Variants in PRMT8 observed in about 807,000 individuals in gnomAD.
PRMT8 encodes protein arginine methyltransferase 8.
PRMT8 carries 7 observed loss-of-function variants against 47.1 expected under a neutral mutation model. The observed-to-expected ratio is 0.15, with a 90% confidence interval of 0.08 to 0.28. PRMT8 has a LOEUF of 0.28. PRMT8 is among the 10% of genes least tolerant of loss of function. The pLI, the probability that PRMT8 is intolerant of heterozygous loss-of-function variation, is 1.00. For missense variants in PRMT8, 237 were observed against 505.4 expected (o/e 0.47, Z 5.09); for synonymous variants, 188 against 186.5 (o/e 1.01, Z -0.07).
At chr12:3,590,999 G>A (rs1457974093) in intron 8 of PRMT8, among the ~76,000 whole-genome samples, 1 of 152,158 alleles carries the variant, frequency 6.6e-6, no homozygotes, top group Non-Finnish European at 1.5e-5. Context: ...AGCTCAGGGT[G>A]CCTTGGGAGC....
upstream of PRMT8, among the ~76,000 whole-genome samples, chr12:3,490,565 G>A (rs1197397180): frequency 1.3e-5 from 2 of 149,488 alleles, no homozygotes; most frequent in Non-Finnish European, 3.0e-5. Flanking sequence ...GGGCACTGCA[G>A]TCTCGCATTT....
At position 3,436,339 on chromosome 12, in the gene PRMT8, G is replaced by A. The variant is rs893026898; in HGVS notation, c.48+54897G>A. Among the ~76,000 whole-genome samples, 22 of 152,186 alleles carry A rather than the reference G, an allele frequency of 1.4e-4. 1 individual carries two copies. Among genetic ancestry groups the A allele is most frequent in the Non-Finnish European group, 5.9e-5 (4 of 68,038 alleles). ...AATACAGTTACCACAGACACAGTGA[G>A]TGACTTTCAAGTTCATGCCTTTGAA... On this transcript the variant is annotated intron_variant, in intron 1 of 9. Transcript: ENST00000452611. This position sits in a 1 kb window ranked among gnomAD's most constrained non-coding sequence, Gnocchi z 4.2.
intron 3 of PRMT8, 115 bp from the exon 4 acceptor site, chr12:3,553,536 C>T: frequency 1.1e-6 from 1 of 875,932 alleles, no homozygotes; most frequent in Non-Finnish European, 1.9e-6. Flanking sequence ...TGTGATGCAG[C>T]CGTGGGCAAG....
Position 3,566,675 on chromosome 12 carries a change from C to A in PRMT8, c.482-2031C>A, listed in dbSNP as rs546351525. 1.6e-4 allele frequency among the ~76,000 whole-genome samples: 25 copies of A among 152,316 alleles called. No homozygotes were observed. Among genetic ancestry groups the A allele is most frequent in the African/African-American group, 6.0e-4 (25 of 41,580 alleles). ...AGCAAACGGTGTGCTCTTTGCCATC[C>A]AGGAGCCTCAGTCCAAATTAATTTT... On this transcript the variant is annotated intron_variant, in intron 4 of 9. Transcript: ENST00000382622. The surrounding 1 kb of genome is among the most constrained non-coding windows in gnomAD (Gnocchi z 4.7).
Position 3,492,714 on chromosome 12 carries a change from C to T in PRMT8, c.75+1014C>T, listed in dbSNP as rs1027982866. ...CACCTGTAGTCACGAAGGGGATCAG[C>T]GTGGGCAGCCCCCTTACCTTCCTGG... On this transcript the variant is annotated intron_variant, in intron 1 of 9. Transcript: ENST00000382622. This position sits in a 1 kb window ranked among gnomAD's most constrained non-coding sequence, Gnocchi z 7.5. Among the ~76,000 whole-genome samples the T allele has an allele frequency of 1.3e-5, 2 of 152,152 alleles. No homozygotes were observed. The highest frequency in any genetic ancestry group is 2.4e-5 in the African/African-American group (1 of 41,438).
chr12:3,470,415 A>G lies in PRMT8; in HGVS notation c.49-70191A>G, dbSNP rs563078438. 3.3e-5 allele frequency among the ~76,000 whole-genome samples: 5 copies of G among 152,236 alleles called. No individual in the cohort carries two copies. In the South Asian group the frequency reaches 1.0e-3, roughly 32 times the overall value. On this transcript the variant is annotated intron_variant, in intron 1 of 9. Transcript: ENST00000452611. ...AGGTGGAGGGAAGAGGTCGGATGGT[A>G]GGGGCTGGGCAGGGGATGTGGTGAG...
At chr12:3,543,633 G>A (rs534856511) in intron 2 of PRMT8, among the ~76,000 whole-genome samples, 2 of 152,334 alleles carry the variant, frequency 1.3e-5, no homozygotes, top group East Asian at 1.9e-4. Context: ...GAAATGCTGA[G>A]TACAGGGGAC....
At chr12:3,454,170 T>C (rs573580001) in intron 1 of PRMT8, among the ~76,000 whole-genome samples, 2 of 152,146 alleles carry the variant, frequency 1.3e-5, no homozygotes, top group African/African-American at 2.4e-5. Flanking sequence ...TCCTGCAGCT[T>C]AATGCCGCCC....
intron 1 of PRMT8, among the ~76,000 whole-genome samples, chr12:3,509,680 C>T (rs551313922): frequency 3.9e-5 from 6 of 152,308 alleles, no homozygotes; most frequent in African/African-American, 9.6e-5. Flanking sequence ...TTGTTGGTCC[C>T]GTTCTTAATT....
chr12:3,445,554 A>T (rs768768579), intron 1 of PRMT8, among the ~76,000 whole-genome samples: 1 of 151,870 alleles, frequency 6.6e-6, no homozygotes, highest in African/African-American at 2.4e-5. Flanking sequence ...TCAGCCACTG[A>T]CTTCAGGTAG....
In PRMT8 at chr12:3,557,302, C is replaced by G. The variant is rs1866544256; in HGVS notation, c.481+3588C>G. 6.6e-6 allele frequency among the ~76,000 whole-genome samples: 1 copy of G among 152,068 alleles called. No individual in the cohort carries two copies. Among genetic ancestry groups the G allele is most frequent in the Admixed American group, 6.5e-5 (1 of 15,276 alleles). ...GGATCAGGGCTTTGCTGGGAGCATG[C>G]AGCAGAGGGAGGGGGAGCTGGAAGT... On this transcript the variant is annotated intron_variant, in intron 4 of 9. Transcript: ENST00000382622. The surrounding 1 kb of genome is among the most constrained non-coding windows in gnomAD (Gnocchi z 4.7).
At chr12:3,433,895 T>C (rs1402580306) in intron 1 of PRMT8, among the ~76,000 whole-genome samples, 1 of 152,208 alleles carries the variant, frequency 6.6e-6, no homozygotes, top group African/African-American at 2.4e-5. Context: ...TGAGCCACCA[T>C]GCCCAGCCTA....
chr12:3,475,830 C>G (rs543338424), intron 1 of PRMT8, among the ~76,000 whole-genome samples: 1 of 152,318 alleles, frequency 6.6e-6, no homozygotes, highest in African/African-American at 2.4e-5. Context: ...CCAGAACACT[C>G]TTGTTTGTTA....
At chr12:3,451,597 G>A (rs1864919530) in intron 1 of PRMT8, among the ~76,000 whole-genome samples, 2 of 152,140 alleles carry the variant, frequency 1.3e-5, no homozygotes, top group African/African-American at 2.4e-5. Flanking sequence ...ACTCAAACTG[G>A]CCATGAGGCA....
chr12:3,547,467 C>T (rs1866344694), intron 2 of PRMT8, among the ~76,000 whole-genome samples: 1 of 151,988 alleles, frequency 6.6e-6, no homozygotes, highest in South Asian at 2.1e-4. Context: ...ACACCATATA[C>T]AGTATCACAA....
At chr12:3,420,325 C>A (rs1481295997) in intron 1 of PRMT8, among the ~76,000 whole-genome samples, 3 of 152,152 alleles carry the variant, frequency 2.0e-5, no homozygotes, top group African/African-American at 7.2e-5. Context: ...GTAATGAAGC[C>A]ATGGGCCTCA....
At chr12:3,515,739 G>T (rs1865781745) in intron 1 of PRMT8, among the ~76,000 whole-genome samples, 1 of 152,224 alleles carries the variant, frequency 6.6e-6, no homozygotes, top group Admixed American at 6.5e-5. Flanking sequence ...GCCTGGTGTG[G>T]TTGAACTAGC....
At chr12:3,521,652 C>T (rs1865882989) in intron 1 of PRMT8, among the ~76,000 whole-genome samples, 1 of 152,126 alleles carries the variant, frequency 6.6e-6, no homozygotes, top group South Asian at 2.1e-4. Flanking sequence ...ATTGTGTAAC[C>T]TGACAAAAAG....
intron 1 of PRMT8, among the ~76,000 whole-genome samples, chr12:3,410,002 C>T (rs1257296054): frequency 1.3e-5 from 2 of 152,194 alleles, no homozygotes; most frequent in Admixed American, 6.5e-5. Flanking sequence ...AGCCTGTTAC[C>T]TCTGGTTAGC....
Sources: allele counts gnomAD v4.1 joint callset (sites outside exome capture counted in the v4.1 genomes callset), GRCh38; gene constraint gnomAD v4.1.1; non-coding constraint Gnocchi (gnomAD v3.1); transcripts MANE v1.5; gene names NCBI Gene and HGNC (gene_info 2026-07-23, HGNC 2026-07-21).